GREB1: variants seen among roughly 807,000 people sequenced by gnomAD.
GREB1 encodes growth regulating estrogen receptor binding 1, also known as protein GREB1.
A neutral mutation model predicts 200.7 loss-of-function variants in GREB1; 106 were observed. The ratio of observed to expected loss-of-function variants is 0.53; its 90% CI spans 0.45 to 0.62. The LOEUF is 0.62. Among genes scored for constraint, GREB1 ranks in the 20% least tolerant of loss-of-function variants. The probability of loss-of-function intolerance (pLI) is 0.00; values close to 1 mark genes in which losing one functional copy is unlikely to be tolerated. For missense variants in GREB1, 2,243 were observed against 2,556.8 expected, an observed-to-expected ratio of 0.88 and a Z score of 2.65; for synonymous variants, 1,132 against 1,092.4, an observed-to-expected ratio of 1.04 and a Z score of -0.72.
chr2:11,566,672 T>TCATCC lies in GREB1; in HGVS notation c.454+17_454+21dup. On this transcript the variant is annotated intron_variant, in intron 4 of 32. Coordinates refer to ENST00000381486, the MANE Select transcript of GREB1 (RefSeq NM_014668.4). Reference sequence around the variant, plus strand: ...GCTCTTCTTGGTAAGTACTGCTTTGTCATCCTCTGTGGCTCCTTCTGCATG... The same window carrying TCATCC: ...GCTCTTCTTGGTAAGTACTGCTTTGTCATCCCATCCTCTGTGGCTCCTTCTGCATG... 2 of 1,598,144 alleles carry TCATCC rather than the reference T, an allele frequency of 1.3e-6. No individual in the cohort carries two copies. The highest frequency in any genetic ancestry group is 2.3e-5 in the South Asian group (2 of 88,836).
intron 1 of GREB1, among the ~76,000 whole-genome samples, chr2:11,539,690 C>T (rs2148515925): frequency 6.6e-6 from 1 of 152,178 alleles, no homozygotes; most frequent in South Asian, 2.1e-4. Flanking sequence ...CACTGTGACC[C>T]AGCAAAACAC....
rs375449920 is a variant in GREB1, at chr2:11,630,020, A to C, written c.4522A>C (p.Ile1508Leu). 1 of 1,614,132 alleles carries C rather than the reference A, an allele frequency of 6.2e-7. No homozygotes were observed. The highest frequency in any genetic ancestry group is 1.1e-5 in the South Asian group (1 of 91,082). ...AGGAGAGGAGATCCAGCTGCACTTC[A>C]TCATCCCCAAGTCCAAGGAGCACCA... Reference protein sequence around the residue: ...MLGEEIQLHFIIPKSKEHHFV... With the variant: ...MLGEEIQLHFLIPKSKEHHFV... Residue 1508 changes from isoleucine to leucine, a missense_variant, in exon 26 of 33, where the codon ATC (isoleucine) becomes CTC (leucine). By Grantham distance (5) the Ile-to-Leu change is conservative. Transcript: ENST00000381486.
chr2:11,524,448 G>T (rs1673806265), intron 1 of GREB1, among the ~76,000 whole-genome samples: 1 of 152,174 alleles, frequency 6.6e-6, no homozygotes, highest in East Asian at 1.9e-4. Context: ...AGTGGCATGT[G>T]AAATGCTGGC....
chr2:11,561,724 C>G (rs1198860351), intron 2 of GREB1: 1 of 152,248 alleles, frequency 6.6e-6, no homozygotes, highest in Non-Finnish European at 1.5e-5. Flanking sequence ...CCCGACCCTG[C>G]TTAGCTTCTG....
intron 24 of GREB1, 139 bp from the exon 25 acceptor site, chr2:11,626,823 A>T (rs1684499504): frequency 5.1e-6 from 4 of 777,302 alleles, no homozygotes; most frequent in Non-Finnish European, 8.7e-6. Context: ...GGGCCCAGGG[A>T]GGTGAGAGGC....
upstream of GREB1, among the ~76,000 whole-genome samples, chr2:11,529,084 CT>C (rs572534707): frequency 7.9e-5 from 12 of 152,196 alleles, no homozygotes; most frequent in Admixed American, 7.8e-4. Context: ...GAAGAGTAAT[CT>C]AAAGAATATT....
Position 11,630,098 on chromosome 2 carries a change from G to C in GREB1, c.4600G>C (p.Val1534Leu). ...GQLESMRLPL[V>L]TDKSHEYIKS... Reference sequence around the variant, plus strand: ...GCTGGAGAGCATGCGACTACCCCTCGTGACAGACAAGGTACTGGCTCAGAG... The same window carrying C: ...GCTGGAGAGCATGCGACTACCCCTCCTGACAGACAAGGTACTGGCTCAGAG... The change falls in exon 26 of 33, where the codon GTG becomes CTG. Residue 1534 changes from valine to leucine, a missense_variant. Val to Leu is a conservative substitution (Grantham distance 32). Coordinates refer to ENST00000381486, the MANE Select transcript of GREB1 (RefSeq NM_014668.4). The C allele has an allele frequency of 6.2e-7, 1 of 1,614,116 alleles. No individual in the cohort carries two copies. The highest frequency in any genetic ancestry group is 8.5e-7 in the Non-Finnish European group (1 of 1,179,996).
intron 1 of GREB1, among the ~76,000 whole-genome samples, chr2:11,484,869 G>A (rs1420954430): frequency 1.3e-5 from 2 of 152,176 alleles, no homozygotes; most frequent in Non-Finnish European, 2.9e-5. Flanking sequence ...GTTTTGAGAC[G>A]GAGTCTCGCT....
intron 1 of GREB1, among the ~76,000 whole-genome samples, chr2:11,542,533 C>T (rs1674857246): frequency 6.8e-6 from 1 of 146,362 alleles, no homozygotes; most frequent in East Asian, 2.2e-4. Flanking sequence ...CAACTCAGTC[C>T]CTGGGGGAGG....
intron 1 of GREB1, among the ~76,000 whole-genome samples, chr2:11,515,545 T>G (rs1673468941): frequency 6.6e-6 from 1 of 152,042 alleles, no homozygotes; most frequent in Non-Finnish European, 1.5e-5. Context: ...TCTGGCTGCT[T>G]CCTCTGCTGG....
At chr2:11,552,866 C>T (rs558967864) in intron 1 of GREB1, among the ~76,000 whole-genome samples, 34 of 151,888 alleles carry the variant, frequency 2.2e-4, no homozygotes, top group Middle Eastern at 6.8e-3. Context: ...AAAAATTAGC[C>T]GGGCATGGTG....
intron 17 of GREB1, among the ~76,000 whole-genome samples, chr2:11,606,666 C>T (rs868112090): frequency 1.3e-5 from 2 of 151,786 alleles, no homozygotes; most frequent in African/African-American, 2.4e-5. Flanking sequence ...GTTTAAACTT[C>T]GTTTCTTGTA....
At position 11,595,357 on chromosome 2, in the gene GREB1, C is replaced by A; in HGVS notation, c.1803C>A (p.Ala601=). Reference sequence around the variant, plus strand: ...CGGGGAAGGTAGACTCGCTGGGGGCCTTCTTTAGCACCCTCTGTCCAGGTA... The same window carrying A: ...CGGGGAAGGTAGACTCGCTGGGGGCATTCTTTAGCACCCTCTGTCCAGGTA... ...LVTGKVDSLG[A]FFSTLCPEGD... is the part of the protein sequence containing the mutation. The change falls in exon 12 of 33, where the codon GCC becomes GCA. Residue 601 remains alanine (A), a synonymous_variant. Coordinates refer to ENST00000381486, the MANE Select transcript of GREB1 (RefSeq NM_014668.4). The A allele has an allele frequency of 2.5e-6, 4 of 1,613,734 alleles. No individual in the cohort carries two copies. The highest frequency in any genetic ancestry group is 3.4e-6 in the Non-Finnish European group (4 of 1,179,788).
At chr2:11,504,123 T>A (rs1396342782) in intron 1 of GREB1, among the ~76,000 whole-genome samples, 3 of 152,182 alleles carry the variant, frequency 2.0e-5, no homozygotes, top group African/African-American at 7.2e-5. Flanking sequence ...CTTCTTCTTG[T>A]GATCTGCTGA....
intron 4 of GREB1, among the ~76,000 whole-genome samples, chr2:11,574,746 C>T (rs1425094536): frequency 6.6e-6 from 1 of 152,200 alleles, no homozygotes; most frequent in Non-Finnish European, 1.5e-5. Context: ...TTGACTGGCT[C>T]CTGTGTCACT....
chr2:11,570,443 A>G (rs1298190036), intron 4 of GREB1, among the ~76,000 whole-genome samples: 3 of 151,868 alleles, frequency 2.0e-5, no homozygotes, highest in African/African-American at 7.3e-5. Flanking sequence ...TTAGAAATCC[A>G]ATACAATTAT....
intron 4 of GREB1, among the ~76,000 whole-genome samples, chr2:11,572,393 C>T (rs1678402019): frequency 6.6e-6 from 1 of 152,208 alleles, no homozygotes; most frequent in Non-Finnish European, 1.5e-5. Flanking sequence ...GGAGTGGCCC[C>T]AGCAGTAAAC....
At chr2:11,538,312 A>G (rs1674395538) in intron 1 of GREB1, among the ~76,000 whole-genome samples, 1 of 152,194 alleles carries the variant, frequency 6.6e-6, no homozygotes. Context: ...GAGCCCAGGA[A>G]CAGCTGGGAA....
Position 11,585,899 on chromosome 2 carries a change from T to C in GREB1, c.1153T>C (p.Phe385Leu), listed in dbSNP as rs1417062397. 6.2e-7 allele frequency: 1 copy of C among 1,613,814 alleles called. No individual in the cohort carries two copies. The highest frequency in any genetic ancestry group is 1.7e-5 in the Admixed American group (1 of 60,010). The change falls in exon 9 of 33, where the codon TTT becomes CTT. Residue 385 changes from phenylalanine to leucine, a missense_variant. Transcript: ENST00000381486. ...AATATGCAAGGCCAAGCCAGTGATATTTAAAGGCAAGTACAGCAGTGCACC... is the reference window on the plus strand; with the variant it reads ...AATATGCAAGGCCAAGCCAGTGATACTTAAAGGCAAGTACAGCAGTGCACC... ...LKICKAKPVI[F>L]KGHGNFPYLC...
Sources: allele counts gnomAD v4.1 joint callset (sites outside exome capture counted in the v4.1 genomes callset), GRCh38; gene constraint gnomAD v4.1.1; transcripts MANE v1.5; gene names NCBI Gene and HGNC (gene_info 2026-07-23, HGNC 2026-07-21).